Variants in DIS3L2 observed in about 807,000 individuals in gnomAD.
DIS3L2 encodes DIS3-like exonuclease 2.
In DIS3L2, 34 loss-of-function variants were observed where a neutral mutation model predicts 97.5. The ratio of observed to expected loss-of-function variants is 0.35; its 90% confidence interval spans 0.27 to 0.46. The LOEUF is 0.46. DIS3L2 is among the 20% of genes least tolerant of loss of function. DIS3L2 has a pLI of 1.00. For synonymous variants in DIS3L2, 435 were observed against 445.2 expected (o/e 0.98, Z 0.29); for missense variants, 1,038 against 1,146.0 (o/e 0.91, Z 1.36).
At chr2:232,298,159 G>A (rs1486064355) in intron 13 of DIS3L2, among the ~76,000 whole-genome samples, 1 of 152,286 alleles carries the variant, frequency 6.6e-6, no homozygotes, top group East Asian at 1.9e-4. Flanking sequence ...TATTCCATGT[G>A]TGACTATAGC....
At chr2:232,262,639 C>A (rs1472205132) in intron 12 of DIS3L2, among the ~76,000 whole-genome samples, 1 of 152,232 alleles carries the variant, frequency 6.6e-6, no homozygotes, top group Non-Finnish European at 1.5e-5. Flanking sequence ...AGGAATTATT[C>A]AGCCCAACAG....
chr2:232,321,807 GGGGGCCTGGAAA>G (rs1382279902), intron 14 of DIS3L2, among the ~76,000 whole-genome samples: 1 of 152,128 alleles, frequency 6.6e-6, no homozygotes, highest in African/African-American at 2.4e-5. Flanking sequence ...TTGTTTCCAG[GGGGGCCTGGAAA>G]CAAGGCTTCC....
intron 14 of DIS3L2, among the ~76,000 whole-genome samples, chr2:232,317,195 GA>G (rs1399190269): frequency 6.6e-6 from 1 of 152,194 alleles, no homozygotes; most frequent in African/African-American, 2.4e-5. Flanking sequence ...AAGTGCTGCG[GA>G]AACAAGCCAC....
intron 6 of DIS3L2, among the ~76,000 whole-genome samples, 199 bp from the exon 7 acceptor site, chr2:232,130,420 G>A (rs1247888210): frequency 6.6e-6 from 1 of 152,164 alleles, no homozygotes; most frequent in African/African-American, 2.4e-5. Context: ...GATAAAATGT[G>A]GTCTGCTGAG....
intron 14 of DIS3L2, among the ~76,000 whole-genome samples, chr2:232,318,439 C>G (rs1338509615): frequency 6.6e-6 from 1 of 152,220 alleles, no homozygotes; most frequent in Admixed American, 6.5e-5. Flanking sequence ...CTATTAGTGC[C>G]AGGTACTGCA....
At chr2:232,184,804 A>G (rs1423424897) in intron 9 of DIS3L2, among the ~76,000 whole-genome samples, 4 of 152,310 alleles carry the variant, frequency 2.6e-5, no homozygotes, top group African/African-American at 7.2e-5. Context: ...AAAGAGGAAA[A>G]TAAATTTCTT....
At chr2:232,050,351 A>G (rs1695366481) in intron 5 of DIS3L2, among the ~76,000 whole-genome samples, 1 of 152,020 alleles carries the variant, frequency 6.6e-6, no homozygotes, top group African/African-American at 2.4e-5. Context: ...GGCTCACTGC[A>G]ACCTCTGCCT....
At chr2:232,315,259 T>C (rs1190464024) in intron 14 of DIS3L2, among the ~76,000 whole-genome samples, 1 of 152,168 alleles carries the variant, frequency 6.6e-6, no homozygotes, top group African/African-American at 2.4e-5. Context: ...CATATTCAGG[T>C]ACTTAAAGTA....
chr2:232,002,230 G>C (rs1403868916), intron 1 of DIS3L2, among the ~76,000 whole-genome samples: 1 of 152,050 alleles, frequency 6.6e-6, no homozygotes, highest in Non-Finnish European at 1.5e-5. Flanking sequence ...CCATTGCTCT[G>C]TGTGTCTGCT....
At chr2:232,208,871 T>C (rs1692106505) in intron 9 of DIS3L2, among the ~76,000 whole-genome samples, 1 of 151,962 alleles carries the variant, frequency 6.6e-6, no homozygotes, top group African/African-American at 2.4e-5. Flanking sequence ...CTACAAAAAG[T>C]TTTAAAACTA....
intron 13 of DIS3L2, among the ~76,000 whole-genome samples, chr2:232,267,458 T>C (rs1363170467): frequency 6.6e-6 from 1 of 152,256 alleles, no homozygotes; most frequent in Non-Finnish European, 1.5e-5. Flanking sequence ...GTAATACCCC[T>C]TCCAGGTAGT....
intron 6 of DIS3L2, among the ~76,000 whole-genome samples, chr2:232,105,580 T>G (rs1009189299): frequency 2.6e-5 from 4 of 152,212 alleles, no homozygotes; most frequent in Non-Finnish European, 5.9e-5. Context: ...TCAACAGACC[T>G]AGGCAGCTTG....
intron 1 of DIS3L2, among the ~76,000 whole-genome samples, chr2:231,968,567 T>TTGCTGAGTACA (rs1163853703): frequency 6.6e-6 from 1 of 152,230 alleles, no homozygotes; most frequent in African/African-American, 2.4e-5. Context: ...CTGAGTAATA[T>TTGCTGAGTACA]TGCATTGTAT....
At chr2:232,278,838 C>T (rs529825206) in intron 13 of DIS3L2, among the ~76,000 whole-genome samples, 65 of 152,258 alleles carry the variant, frequency 4.3e-4, no homozygotes, top group African/African-American at 1.3e-3. Flanking sequence ...TAAGATTGCT[C>T]GGTCATATGG....
intron 1 of DIS3L2, among the ~76,000 whole-genome samples, chr2:232,012,757 C>T (rs1197613838): frequency 6.6e-6 from 1 of 152,030 alleles, no homozygotes; most frequent in Admixed American, 6.6e-5. Flanking sequence ...TAAGAGTGCC[C>T]AGGACTTCTA....
chr2:232,086,656 T>TACACAC (rs1559613580), intron 5 of DIS3L2, among the ~76,000 whole-genome samples: 12 of 53,696 alleles, frequency 2.2e-4, no homozygotes, highest in East Asian at 1.3e-3. Context: ...TATATATATA[T>TACACAC]ATATGTGTGT....
chr2:231,989,465 T>G (rs1693522801), intron 1 of DIS3L2, among the ~76,000 whole-genome samples: 1 of 152,084 alleles, frequency 6.6e-6, no homozygotes, highest in African/African-American at 2.4e-5. Flanking sequence ...GGTAGTTTCT[T>G]ACATTTTTTC....
At position 232,038,027 on chromosome 2, in the gene DIS3L2, A is replaced by G. The variant is rs139509782; in HGVS notation, c.366+7947A>G. On this transcript the variant is annotated intron_variant, in intron 5 of 20. Transcript: ENST00000325385. ...CTTTTTTCTTTTTGAATTACAGTGA[A>G]CTTTCCTAGTTCAGATCCACCTCCC... Among the ~76,000 whole-genome samples the G allele has an allele frequency of 2.6e-5, 4 of 152,264 alleles. No individual in the cohort carries two copies. The East Asian group carries it at 7.7e-4, about 29-fold the overall frequency.
At chr2:232,144,833 A>G (rs962740817) in intron 8 of DIS3L2, among the ~76,000 whole-genome samples, 1 of 152,248 alleles carries the variant, frequency 6.6e-6, no homozygotes, top group Non-Finnish European at 1.5e-5. Flanking sequence ...ATTTTGTAAA[A>G]CGTTTCTCAG....
Sources: allele counts gnomAD v4.1 joint callset (sites outside exome capture counted in the v4.1 genomes callset), GRCh38; gene constraint gnomAD v4.1.1; transcripts MANE v1.5; gene names NCBI Gene and HGNC (gene_info 2026-07-23, HGNC 2026-07-21).